Variants in DOCK2 observed in about 807,000 individuals in gnomAD.
The protein encoded by DOCK2 is dedicator of cytokinesis protein 2.
In DOCK2, 87 loss-of-function variants were observed where a neutral mutation model predicts 248.9. That is an observed-to-expected ratio of 0.35 (90% CI 0.29 to 0.42). The LOEUF (loss-of-function observed/expected upper bound fraction) is 0.42. DOCK2 is among the 10% of genes least tolerant of loss of function. The pLI is 1.00. For missense variants in DOCK2, 1,747 were observed against 2,300.2 expected (o/e 0.76, Z 4.92); for synonymous variants, 805 against 821.6 (o/e 0.98, Z 0.35).
At chr5:169,860,713 A>T (rs1286337992) in intron 27 of DOCK2, among the ~76,000 whole-genome samples, 1 of 152,166 alleles carries the variant, frequency 6.6e-6, no homozygotes, top group Non-Finnish European at 1.5e-5. Flanking sequence ...ACATGACAGG[A>T]AAGTTGTTTT....
chr5:169,657,116 C>G (rs150723293), intron 2 of DOCK2, among the ~76,000 whole-genome samples: 1 of 152,220 alleles, frequency 6.6e-6, no homozygotes, highest in East Asian at 1.9e-4. Context: ...TCTCCTGGTA[C>G]GCAAATCATT....
chr5:169,873,144 GT>G (rs1772093752), intron 27 of DOCK2, among the ~76,000 whole-genome samples: 2 of 152,100 alleles, frequency 1.3e-5, no homozygotes, highest in African/African-American at 4.8e-5. Flanking sequence ...ATTAAAATAG[GT>G]TTCATTTTTT....
In DOCK2 at chr5:169,643,077, G is replaced by A. The variant is rs1478557368; in HGVS notation, c.43+5708G>A. ...GAGTCTGGGCGGAGACACCACAAAT[G>A]TTCCCTTTAATAGGCACTTTCTCCT... On this transcript the variant is annotated intron_variant, in intron 1 of 51. Transcript: ENST00000520908. 3.9e-5 allele frequency among the ~76,000 whole-genome samples: 6 copies of A among 152,262 alleles called. No homozygotes were observed. In the South Asian group the frequency reaches 1.2e-3, roughly 32 times the overall value.
At chr5:169,990,465 C>T (rs1778175474) in intron 29 of DOCK2, among the ~76,000 whole-genome samples, 1 of 151,430 alleles carries the variant, frequency 6.6e-6, no homozygotes, top group Non-Finnish European at 1.5e-5. Context: ...GCTGCAGGAT[C>T]CCGATCCCAG....
chr5:170,026,921 T>A (rs1755937232), intron 33 of DOCK2, among the ~76,000 whole-genome samples: 1 of 152,168 alleles, frequency 6.6e-6, no homozygotes, highest in Admixed American at 6.5e-5. Flanking sequence ...TTTCTTTGGT[T>A]GCAGGGAACA....
intron 25 of DOCK2, among the ~76,000 whole-genome samples, chr5:169,781,455 T>C (rs1246580303): frequency 4.6e-5 from 7 of 152,234 alleles, no homozygotes; most frequent in Admixed American, 4.6e-4. Context: ...ATCAGAATGT[T>C]GGATCTCTGA....
At chr5:169,742,063 A>T (rs904717613) in intron 22 of DOCK2, among the ~76,000 whole-genome samples, 9 of 152,012 alleles carry the variant, frequency 5.9e-5, no homozygotes, top group African/African-American at 1.9e-4. Flanking sequence ...TGATCTGCCC[A>T]TCTCGGCCTC....
chr5:169,872,475 C>T (rs149028937), intron 27 of DOCK2, among the ~76,000 whole-genome samples: 252 of 152,306 alleles, frequency 1.7e-3, no homozygotes, highest in African/African-American at 5.9e-3. Flanking sequence ...TCACAACTTG[C>T]AGCTATTTCA....
intron 8 of DOCK2, among the ~76,000 whole-genome samples, chr5:169,684,806 C>T (rs1040390260): frequency 6.6e-6 from 1 of 152,184 alleles, no homozygotes; most frequent in African/African-American, 2.4e-5. Context: ...TGTGCCACCA[C>T]ACCTGCTTAA....
chr5:169,715,504 A>C (rs1761848103), intron 19 of DOCK2, among the ~76,000 whole-genome samples: 1 of 152,012 alleles, frequency 6.6e-6, no homozygotes, highest in Non-Finnish European at 1.5e-5. Flanking sequence ...TCCCCAAGAC[A>C]CCACTTTAAT....
intron 27 of DOCK2, among the ~76,000 whole-genome samples, chr5:169,938,860 T>C (rs1338281290): frequency 6.6e-6 from 1 of 152,204 alleles, no homozygotes; most frequent in Non-Finnish European, 1.5e-5. Flanking sequence ...AAATATTTTC[T>C]TTCTTCATAT....
At chr5:169,898,947 A>T (rs547278492) in intron 27 of DOCK2, among the ~76,000 whole-genome samples, 2 of 152,262 alleles carry the variant, frequency 1.3e-5, no homozygotes, top group East Asian at 3.9e-4. Flanking sequence ...AGAATGGTGG[A>T]TTCAACAGCA....
At position 169,784,015 on chromosome 5, in the gene DOCK2, G is replaced by A. The variant is rs545900466; in HGVS notation, c.2555-19043G>A. On this transcript the variant is annotated intron_variant, in intron 25 of 51. Transcript: ENST00000520908. ...GGCAAGTGATGAGGTGATTTGTAAG[G>A]CCAATTTAAATCAGTGTCTTGCCCA... 3.3e-5 allele frequency among the ~76,000 whole-genome samples: 5 copies of A among 152,300 alleles called. No homozygotes were observed. The East Asian group carries it at 5.8e-4, about 18-fold the overall frequency.
Position 169,763,949 on chromosome 5 carries a change from G to A in DOCK2, c.2554+2324G>A, listed in dbSNP as rs1363674541. Among the ~76,000 whole-genome samples the A allele has an allele frequency of 6.6e-6, 1 of 152,156 alleles. No homozygotes were observed. Among genetic ancestry groups the A allele is most frequent in the Admixed American group, 6.5e-5 (1 of 15,274 alleles). ...CTAAGTGAGCCCTGTTACCAAAATA[G>A]TCCCAAAGGGAAACTTCAGCTCATC... is the stretch of plus-strand genomic sequence containing the variant. On this transcript the variant is annotated intron_variant, in intron 25 of 51. Coordinates refer to ENST00000520908, the MANE Select transcript of DOCK2 (RefSeq NM_004946.3). This position sits in a 1 kb window ranked among gnomAD's most constrained non-coding sequence, Gnocchi z 4.1.
chr5:170,069,293 C>T lies in DOCK2; in HGVS notation c.4728+73C>T, dbSNP rs368901055. On this transcript the variant is annotated intron_variant, in intron 46 of 51. Coordinates refer to ENST00000520908, the MANE Select transcript of DOCK2 (RefSeq NM_004946.3). The stretch of plus-strand genomic sequence containing the variant: ...CCCACCGTGGTTCACTTGCCCCACG[C>T]TAGGCTCTAGCTGAGGCAGCCTGAA... 146 of 1,497,428 alleles carry T rather than the reference C, an allele frequency of 9.8e-5. No homozygotes were observed. The African/African-American group carries it at 1.8e-3, about 18-fold the overall frequency. 92.8% of individuals were successfully genotyped at this position (1,497,428 alleles called of 1,614,324 possible).
Position 170,079,067 on chromosome 5 carries a change from G to A in DOCK2, c.5087G>A (p.Arg1696Gln), listed in dbSNP as rs371229305. The A allele has an allele frequency of 3.7e-5, 60 of 1,614,148 alleles. No individual in the cohort carries two copies. Among genetic ancestry groups the A allele is most frequent in the East Asian group, 3.1e-4 (14 of 44,874 alleles). The change falls in exon 49 of 52, where the codon CGG becomes CAG. Residue 1696 changes from arginine to glutamine, a missense_variant. By Grantham distance (43) the Arg-to-Gln change is conservative (BLOSUM62 1). Coordinates refer to ENST00000520908, the MANE Select transcript of DOCK2 (RefSeq NM_004946.3). ...PGSTLPEVKL[R>Q]RSKKRTKRSS... ...AGCACCCTGCCTGAGGTCAAGCTGC[G>A]GAGGTCCAAGAAGAGGACAAAGAGA...
chr5:169,939,108 A>G (rs1236690722), intron 27 of DOCK2, among the ~76,000 whole-genome samples: 1 of 151,438 alleles, frequency 6.6e-6, no homozygotes, highest in African/African-American at 2.4e-5. Flanking sequence ...GTTTCACCGC[A>G]TTAGCCAGGA....
chr5:169,842,417 G>C (rs188089184), intron 27 of DOCK2, among the ~76,000 whole-genome samples: 2 of 152,228 alleles, frequency 1.3e-5, no homozygotes, highest in East Asian at 1.9e-4. Flanking sequence ...GAGTACAGTG[G>C]TGTGATCTCG....
chr5:169,714,223 A>G lies in DOCK2; in HGVS notation c.1843+12A>G, dbSNP rs768856129. 13 of 1,602,896 alleles carry G rather than the reference A, an allele frequency of 8.1e-6. No individual in the cohort carries two copies. The highest frequency in any genetic ancestry group is 1.1e-5 in the Non-Finnish European group (13 of 1,172,270). On this transcript the variant is annotated intron_variant, in intron 18 of 51. Coordinates refer to ENST00000520908, the MANE Select transcript of DOCK2 (RefSeq NM_004946.3). ...GCTCACTCAGAATGGTAATCGGGTC[A>G]TCAAGAGTTGTGTCTGTGGGGAGTG...
Sources: allele counts gnomAD v4.1 joint callset (sites outside exome capture counted in the v4.1 genomes callset), GRCh38; gene constraint gnomAD v4.1.1; non-coding constraint Gnocchi (gnomAD v3.1); transcripts MANE v1.5; gene names NCBI Gene and HGNC (gene_info 2026-07-23, HGNC 2026-07-21).